MRPL45: variants seen among roughly 807,000 people sequenced by gnomAD.
MRPL45 encodes the protein large ribosomal subunit protein mL45.
A neutral mutation model predicts 38.1 loss-of-function variants in MRPL45; 20 were observed. The ratio of observed to expected loss-of-function variants is 0.53; its 90% CI spans 0.37 to 0.76. The LOEUF (loss-of-function observed/expected upper bound fraction) is 0.76. Among genes scored for constraint, MRPL45 ranks in the 30% least tolerant of loss-of-function variants. MRPL45 has a pLI of 0.00. For missense variants in MRPL45, 337 were observed against 395.6 expected (o/e 0.85, Z 1.26); for synonymous variants, 105 against 128.8 (o/e 0.82, Z 1.25).
intron 4 of MRPL45, among the ~76,000 whole-genome samples, chr17:38,313,081 T>C (rs1477040502): frequency 1.4e-5 from 2 of 138,664 alleles, no homozygotes; most frequent in East Asian, 2.2e-4. Flanking sequence ...GCCTGCCGGG[T>C]TCAAGCCATT....
In MRPL45 at chr17:38,315,319, A is replaced by G. The variant is rs528837151; in HGVS notation, c.462-3368A>G. Among the ~76,000 whole-genome samples the G allele has an allele frequency of 1.4e-3, 213 of 152,224 alleles. 4 individuals carry two copies. The South Asian group carries it at 0.043, about 31-fold the overall frequency. On this transcript the variant is annotated intron_variant, in intron 4 of 7. Transcript: ENST00000613675. ...AGGCTGGAGTGAGCACAGTGGTGCA[A>G]TGATAGCTGCACTGCAGCCTCAACC... is the stretch of plus-strand genomic sequence containing the variant.
At chr17:38,309,888 G>A (rs2037093437) in intron 4 of MRPL45, among the ~76,000 whole-genome samples, 1 of 151,948 alleles carries the variant, frequency 6.6e-6, no homozygotes, top group African/African-American at 2.4e-5. Flanking sequence ...CCACTTTCTC[G>A]TCTCCTTGTG....
At chr17:38,313,071 G>T (rs1418524056) in intron 4 of MRPL45, among the ~76,000 whole-genome samples, 3 of 135,702 alleles carry the variant, frequency 2.2e-5, no homozygotes, top group Non-Finnish European at 3.1e-5. Context: ...TGCAAGCTCC[G>T]CCTGCCGGGT....
chr17:38,307,474 G>C (rs1406500242), intron 4 of MRPL45, among the ~76,000 whole-genome samples: 1 of 151,904 alleles, frequency 6.6e-6, no homozygotes, highest in Non-Finnish European at 1.5e-5. Flanking sequence ...AGTAGAGCTG[G>C]GACCACCAGC....
rs371570366 is a variant in MRPL45 at position 38,310,844 on chromosome 17, G to A, written c.461+4213G>A. 8.4e-3 allele frequency among the ~76,000 whole-genome samples: 1,279 copies of A among 152,154 alleles called. 18 individuals carry two copies. Among genetic ancestry groups the A allele is most frequent in the African/African-American group, 0.028 (1,182 of 41,512 alleles). ...TTGCTATGTTGCCCAGGCTGGTCTC[G>A]AACTCTGGCCTCAAGCAGTCCTCTC... On this transcript the variant is annotated intron_variant, in intron 4 of 7. Coordinates refer to ENST00000613675, the MANE Select transcript of MRPL45 (RefSeq NM_032351.6).
chr17:38,314,100 T>A (rs1384268605), intron 4 of MRPL45, among the ~76,000 whole-genome samples: 2 of 152,352 alleles, frequency 1.3e-5, no homozygotes, highest in African/African-American at 4.8e-5. Context: ...GTCTTTTCAC[T>A]CTTTTATTAT....
intron 4 of MRPL45, among the ~76,000 whole-genome samples, chr17:38,308,566 A>T (rs1181002575): frequency 1.3e-5 from 2 of 151,626 alleles, no homozygotes; most frequent in Non-Finnish European, 2.9e-5. Context: ...TTAACCTCCC[A>T]AGTAACTGGG....
In MRPL45 at chr17:38,322,688, C is replaced by G. The variant is rs1270587928; in HGVS notation, c.*93C>G. 3.1e-6 allele frequency: 3 copies of G among 954,146 alleles called. No individual in the cohort carries two copies. The highest frequency in any genetic ancestry group is 3.2e-6 in the Non-Finnish European group (2 of 627,060). The allele number at this position is 954,146 out of a possible 1,614,324, so 59.1% of individuals were successfully genotyped here. A position where few individuals can be genotyped will look rare whatever the true frequency, so the allele number is the denominator to read the frequency against. ...CCCCTCATGCTATAAAAAGAACTAC[C>G]TTTGTTCTCTCCCATCCTGCTCAGG... On this transcript the variant is annotated 3_prime_UTR_variant, in exon 8 of 8. Coordinates refer to ENST00000613675, the MANE Select transcript of MRPL45 (RefSeq NM_032351.6).
intron 3 of MRPL45, among the ~76,000 whole-genome samples, chr17:38,303,140 G>A (rs2037015741): frequency 6.6e-6 from 1 of 152,014 alleles, no homozygotes; most frequent in Admixed American, 6.6e-5. Context: ...GGAAAATGCT[G>A]TTGACAGCTG....
intron 6 of MRPL45, among the ~76,000 whole-genome samples, chr17:38,321,689 C>CA (rs879257139): frequency 5.5e-4 from 73 of 132,732 alleles, no homozygotes; most frequent in Admixed American, 6.8e-4. Flanking sequence ...ACTCCGTCTC[C>CA]AAAAAAAAAA....
chr17:38,304,583 G>C (rs952810344), intron 3 of MRPL45, among the ~76,000 whole-genome samples: 1 of 151,876 alleles, frequency 6.6e-6, no homozygotes, highest in East Asian at 1.9e-4. Context: ...TCACTCTTTC[G>C]CCCAGGCTGG....
At chr17:38,321,797 G>A (rs1042246545) in intron 6 of MRPL45, among the ~76,000 whole-genome samples, 7 of 152,252 alleles carry the variant, frequency 4.6e-5, no homozygotes, top group Admixed American at 2.6e-4. Context: ...TTGAGAGGCC[G>A]AAGCGGGTGG....
In MRPL45 at chr17:38,322,317, GT is replaced by G. The variant is rs1425041520; in HGVS notation, c.834+21del. 58 of 1,607,204 alleles carry G rather than the reference GT, an allele frequency of 3.6e-5. No individual in the cohort carries two copies. The highest frequency in any genetic ancestry group is 4.4e-5 in the Non-Finnish European group (52 of 1,177,188). ...TCCTTAAGGTAAGGTGGCTTGCATG[GT>G]TTAAGAGAGCTGAGGCACTACTCGT... On this transcript the variant is annotated intron_variant, in intron 7 of 7. Transcript: ENST00000613675.
At chr17:38,320,470 G>A in intron 5 of MRPL45, 148 bp from the exon 6 acceptor site, 2 of 781,482 alleles carry the variant, frequency 2.6e-6, no homozygotes, top group Non-Finnish European at 4.2e-6. Flanking sequence ...TTGAGAAGGT[G>A]CAAGAGAAAA....
At chr17:38,302,031 G>C (rs1334750694) in intron 3 of MRPL45, among the ~76,000 whole-genome samples, 12 of 151,018 alleles carry the variant, frequency 7.9e-5, no homozygotes, top group Non-Finnish European at 1.0e-4. Context: ...GCCGGAGAAT[G>C]GTGTGAACTC....
Position 38,297,169 on chromosome 17 carries a change from C to T in MRPL45, c.-15C>T, listed in dbSNP as rs748583006. The T allele has an allele frequency of 2.5e-6, 4 of 1,614,018 alleles. No individual in the cohort carries two copies. The highest frequency in any genetic ancestry group is 2.7e-5 in the African/African-American group (2 of 74,952). On this transcript the variant is annotated 5_prime_UTR_variant, in exon 1 of 8. Coordinates refer to ENST00000613675, the MANE Select transcript of MRPL45 (RefSeq NM_032351.6). ...CACTCTCAGCTCCCTTCCCGGCGGC[C>T]TTTGCGGGAACAAGATGGCAGCCCC...
intron 2 of MRPL45, 109 bp from the exon 3 acceptor site, chr17:38,299,242 A>C (rs1567711928): frequency 1.5e-6 from 1 of 680,584 alleles, no homozygotes; most frequent in Non-Finnish European, 2.4e-6. Context: ...AGTCTGTTTC[A>C]TTAGTCTACT....
chr17:38,322,349 C>T, intron 7 of MRPL45, 50 bp downstream of exon 7: 1 of 1,590,390 alleles, frequency 6.3e-7, no homozygotes, highest in Non-Finnish European at 8.6e-7. Context: ...CTCGTGGTCT[C>T]CTAAGCCACT....
chr17:38,322,262 T>C lies in MRPL45; in HGVS notation c.797T>C (p.Val266Ala). 6.2e-7 allele frequency: 1 copy of C among 1,614,082 alleles called. No homozygotes were observed. The highest frequency in any genetic ancestry group is 8.5e-7 in the Non-Finnish European group (1 of 1,180,014). Residue 266 changes from valine (V) to alanine (A), a missense_variant, in exon 7 of 8, where the codon GTT (valine) becomes GCT (alanine). By Grantham distance (64) the Val-to-Ala change is moderately conservative (BLOSUM62 0). Transcript: ENST00000613675. ...AGCTGGAGAATGCATACCAAGATCG[T>C]TCCCCCATGGGCACCCCCTAAGCAG... Reference protein sequence around the residue: ...YGSWRMHTKIVPPWAPPKQPI... With the variant: ...YGSWRMHTKIAPPWAPPKQPI...
Sources: allele counts gnomAD v4.1 joint callset (sites outside exome capture counted in the v4.1 genomes callset), GRCh38; gene constraint gnomAD v4.1.1; transcripts MANE v1.5; gene names NCBI Gene and HGNC (gene_info 2026-07-23, HGNC 2026-07-21).